The following GATB variants were observed in gnomAD, a reference collection of about 807,000 sequenced individuals.
The protein encoded by GATB is glutamyl-tRNA(Gln) amidotransferase subunit B, mitochondrial.
Under a neutral mutation model 62.3 loss-of-function variants are expected in GATB, and 39 were observed. The ratio of observed to expected loss-of-function variants is 0.63; its 90% CI spans 0.48 to 0.82. GATB has a LOEUF of 0.82. GATB is among the 40% of genes least tolerant of loss of function. GATB has a pLI of 0.00. For synonymous variants in GATB, 276 were observed against 258.9 expected (o/e 1.07, Z -0.63); for missense variants, 670 against 684.0 (o/e 0.98, Z 0.23).
chr4:151,734,148 C>CA (rs1188819543), intron 2 of GATB, among the ~76,000 whole-genome samples: 1 of 152,166 alleles, frequency 6.6e-6, no homozygotes, highest in Non-Finnish European at 1.5e-5. Context: ...AAGAGGAAGT[C>CA]AAACTGTCCC....
intron 5 of GATB, among the ~76,000 whole-genome samples, chr4:151,714,843 C>CT (rs1160676970): frequency 6.6e-6 from 1 of 152,198 alleles, no homozygotes; most frequent in African/African-American, 2.4e-5. Context: ...TGAGAATTCT[C>CT]TTACTCTAAA....
chr4:151,719,645 A>G (rs893521880), intron 2 of GATB, 107 bp from the exon 3 acceptor site: 1 of 661,552 alleles, frequency 1.5e-6, no homozygotes, highest in Non-Finnish European at 2.5e-6. Flanking sequence ...TTCAACAGGC[A>G]TTATCTCTGG....
At chr4:151,674,375 C>T (rs371656961) in intron 11 of GATB, 16 of 152,152 alleles carry the variant, frequency 1.1e-4, no homozygotes, top group African/African-American at 3.9e-4. Context: ...CCCTGTAAGT[C>T]GGAGGAGTCC....
intron 2 of GATB, among the ~76,000 whole-genome samples, chr4:151,734,514 T>C (rs1287219906): frequency 1.3e-5 from 2 of 152,086 alleles, no homozygotes; most frequent in African/African-American, 4.8e-5. Flanking sequence ...AAAATGACCA[T>C]AGTGCCAAAA....
At position 151,670,581 on chromosome 4, in the gene GATB, A is replaced by G. The variant is rs991737755; in HGVS notation, c.*593T>C. The G allele has an allele frequency of 2.0e-5, 3 of 152,136 alleles. No homozygotes were observed. The highest frequency in any genetic ancestry group is 4.4e-5 in the Non-Finnish European group (3 of 68,036). The allele number at this position is 152,136 out of a possible 1,614,324, so 9.4% of individuals were successfully genotyped here. On this transcript the variant is annotated 3_prime_UTR_variant, in exon 13 of 13. Transcript: ENST00000263985. ...TTAACAGGCAATATCACTTCTACTC[A>G]GTCGATAGGTTGATTAATTCTAATA...
intron 2 of GATB, among the ~76,000 whole-genome samples, chr4:151,757,930 C>A (rs950998245): frequency 1.3e-5 from 2 of 152,196 alleles, no homozygotes; most frequent in Non-Finnish European, 2.9e-5. Context: ...AGGTCCTGGA[C>A]AGACCATATG....
rs115873851 is a variant in GATB at position 151,696,232 on chromosome 4, T to C, written c.1197+5097A>G. Among the ~76,000 whole-genome samples the C allele has an allele frequency of 2.8e-3, 427 of 152,362 alleles. 1 individual carries two copies. Among genetic ancestry groups the C allele is most frequent in the African/African-American group, 9.8e-3 (409 of 41,580 alleles). ...ACATGATTTCTGCTTTTCATTGGCGTTGACTGATTTTCACTAAATTTAGTG... is the reference window on the plus strand; with the variant it reads ...ACATGATTTCTGCTTTTCATTGGCGCTGACTGATTTTCACTAAATTTAGTG... On this transcript the variant is annotated intron_variant, in intron 9 of 12. Transcript: ENST00000263985.
chr4:151,701,192 A>G (rs796157946), intron 9 of GATB, 137 bp downstream of exon 9: 11 of 504,408 alleles, frequency 2.2e-5, no homozygotes, highest in African/African-American at 2.2e-4. Context: ...TATTCTTCTC[A>G]GTAGCATCTA....
intron 12 of GATB, among the ~76,000 whole-genome samples, chr4:151,671,564 T>C (rs1395762096): frequency 1.3e-5 from 2 of 152,150 alleles, no homozygotes; most frequent in Non-Finnish European, 2.9e-5. Context: ...AGCTGGCACG[T>C]GGGAGCCAGG....
intron 1 of GATB, among the ~76,000 whole-genome samples, chr4:151,759,952 T>C (rs1739918183): frequency 6.6e-6 from 1 of 152,188 alleles, no homozygotes; most frequent in African/African-American, 2.4e-5. Flanking sequence ...TCATTAGAAA[T>C]TCTGCATGCA....
At chr4:151,755,194 T>C (rs1024610071) in intron 2 of GATB, among the ~76,000 whole-genome samples, 1 of 152,202 alleles carries the variant, frequency 6.6e-6, no homozygotes, top group Non-Finnish European at 1.5e-5. Context: ...ATGAGTCAAT[T>C]ATCTCCATTT....
In GATB at chr4:151,717,959, T is replaced by C. The variant is rs189431393; in HGVS notation, c.442-885A>G. On this transcript the variant is annotated intron_variant, in intron 3 of 12. Transcript: ENST00000263985. ...CCTTGCCCACAGCCACATACAGAGCTAGTGAGCATCAATGTCAATGTCTGA... is the reference window on the plus strand; with the variant it reads ...CCTTGCCCACAGCCACATACAGAGCCAGTGAGCATCAATGTCAATGTCTGA... Among the ~76,000 whole-genome samples the C allele has an allele frequency of 6.2e-3, 948 of 152,238 alleles. 9 individuals carry two copies. Among genetic ancestry groups the C allele is most frequent in the African/African-American group, 0.021 (883 of 41,526 alleles).
chr4:151,747,089 TAC>T (rs547631760), intron 2 of GATB, among the ~76,000 whole-genome samples: 72 of 152,300 alleles, frequency 4.7e-4, no homozygotes, highest in Middle Eastern at 6.8e-3. Context: ...AATAAGTGAA[TAC>T]ATATAAAGCA....
rs760071385 is a variant in GATB at position 151,671,133 on chromosome 4, C to A, written c.*41G>T. On this transcript the variant is annotated 3_prime_UTR_variant, in exon 13 of 13. Coordinates refer to ENST00000263985, the MANE Select transcript of GATB (RefSeq NM_004564.3). ...GGATCCTGTTCCCAGTCAGGCTGCA[C>A]TGTTTGTTGTTGTCCCTTGGGCAAG... 1 of 1,612,492 alleles carries A rather than the reference C, an allele frequency of 6.2e-7. No individual in the cohort carries two copies. Among genetic ancestry groups the A allele is most frequent in the African/African-American group, 1.3e-5 (1 of 74,910 alleles).
intron 10 of GATB, among the ~76,000 whole-genome samples, chr4:151,680,236 T>TA (rs1738108810): frequency 6.7e-6 from 1 of 148,780 alleles, no homozygotes; most frequent in African/African-American, 2.5e-5. Flanking sequence ...CAAACTCCAG[T>TA]AATTAAATAT....
At chr4:151,677,934 C>CCCT (rs758702693) in intron 11 of GATB, 2 of 152,096 alleles carry the variant, frequency 1.3e-5, no homozygotes, top group Non-Finnish European at 2.9e-5. Context: ...TTTCCTTCCT[C>CCCT]CCTCCTCCTC....
At chr4:151,679,737 G>T in intron 11 of GATB, 76 bp downstream of exon 11, 1 of 1,176,224 alleles carries the variant, frequency 8.5e-7, no homozygotes, top group Non-Finnish European at 1.3e-6. Flanking sequence ...GTCACTCAGT[G>T]ATGGCATTTG....
At chr4:151,740,800 G>A (rs1739469331) in intron 2 of GATB, among the ~76,000 whole-genome samples, 1 of 152,178 alleles carries the variant, frequency 6.6e-6, no homozygotes. Context: ...GTACCCAGCT[G>A]CATGATTTCA....
At chr4:151,744,635 G>T (rs1349525721) in intron 2 of GATB, among the ~76,000 whole-genome samples, 1 of 152,080 alleles carries the variant, frequency 6.6e-6, no homozygotes, top group African/African-American at 2.4e-5. Flanking sequence ...ATATGGTTAG[G>T]TTTCAGGTGG....
Sources: gnomAD v4.1 joint callset for allele counts (sites outside exome capture counted in the v4.1 genomes callset) on GRCh38, gnomAD v4.1.1 for gene constraint, MANE v1.5 for transcripts, NCBI Gene and HGNC (gene_info 2026-07-23, HGNC 2026-07-21) for gene names.